Variants in PCDHGA6 observed in about 807,000 individuals in gnomAD.
PCDHGA6 encodes protocadherin gamma subfamily A, 6, also known as protocadherin gamma-A6.
Under a neutral mutation model 60.6 loss-of-function variants are expected in PCDHGA6, and 41 were observed. The observed-to-expected ratio is 0.68, with a 90% CI of 0.53 to 0.88. The LOEUF (loss-of-function observed/expected upper bound fraction) is 0.88, where lower values mean the gene tolerates loss of function less well. PCDHGA6 is among the 40% of genes least tolerant of loss of function. The probability of loss-of-function intolerance (pLI) is 0.00; values close to 1 mark genes in which losing one functional copy is unlikely to be tolerated. For missense variants in PCDHGA6, 1,312 were observed against 1,203.0 expected, an observed-to-expected ratio of 1.09 and a Z score of -1.34; for synonymous variants, 594 against 524.4, an observed-to-expected ratio of 1.13 and a Z score of -1.81.
chr5:141,440,373 G>A (rs866892003), intron 1 of PCDHGA6: 2 of 152,214 alleles, frequency 1.3e-5, no homozygotes, highest in Non-Finnish European at 2.9e-5. Context: ...GGCCGAGGCA[G>A]GAGAATCGCT....
chr5:141,436,298 T>C (rs1480546595), intron 1 of PCDHGA6, among the ~76,000 whole-genome samples: 3 of 152,186 alleles, frequency 2.0e-5, no homozygotes, highest in Non-Finnish European at 4.4e-5. Flanking sequence ...CATTGAGAGT[T>C]AGAGCATGAA....
At position 141,431,017 on chromosome 5, in the gene PCDHGA6, G is replaced by A. The variant is rs768036730; in HGVS notation, c.2424+54510G>A. 2.5e-6 allele frequency: 4 copies of A among 1,613,768 alleles called. No homozygotes were observed. Among genetic ancestry groups the A allele is most frequent in the South Asian group, 1.1e-5 (1 of 91,084 alleles). ...ATCCGCGCAGCGGCAGCTTGGTCAC[G>A]GCGGGCAGGATAGACCGGGAGGAGC... On this transcript the variant is annotated intron_variant, in intron 1 of 3. Transcript: ENST00000517434. This position sits in a 1 kb window ranked among gnomAD's most constrained non-coding sequence, Gnocchi z 4.8.
chr5:141,487,499 G>A lies in PCDHGA6; in HGVS notation c.2425-7308G>A, dbSNP rs2099647158. On this transcript the variant is annotated intron_variant, in intron 1 of 3. Transcript: ENST00000517434. This position sits in a 1 kb window ranked among gnomAD's most constrained non-coding sequence, Gnocchi z 5.0. ...CCACTCTCATGGCTGTACACCCTTGGCTTCTGCACCCACTCGGAGTGATAG... is the reference window on the plus strand; with the variant it reads ...CCACTCTCATGGCTGTACACCCTTGACTTCTGCACCCACTCGGAGTGATAG... The A allele has an allele frequency of 3.1e-6, 5 of 1,614,152 alleles. No homozygotes were observed. The highest frequency in any genetic ancestry group is 2.2e-5 in the East Asian group (1 of 44,852).
Position 141,394,179 on chromosome 5 carries a change from T to C in PCDHGA6, c.2424+17672T>C. The C allele has an allele frequency of 2.5e-6, 4 of 1,613,868 alleles. No individual in the cohort carries two copies. The South Asian group carries it at 4.4e-5, about 18-fold the overall frequency. On this transcript the variant is annotated intron_variant, in intron 1 of 3. Coordinates refer to ENST00000517434, the MANE Select transcript of PCDHGA6 (RefSeq NM_018919.3). ...CAACCCTCCTACTTTCCCTCATGCC[T>C]CCTACTCAGCGTATATCCTAGAGAA...
chr5:141,421,734 G>A (rs761780459), intron 1 of PCDHGA6: 1 of 1,613,948 alleles, frequency 6.2e-7, no homozygotes, highest in Non-Finnish European at 8.5e-7. Flanking sequence ...ACTCCCTCCA[G>A]AGCTACCAGC....
rs756330109 is a variant in PCDHGA6, at chr5:141,432,621, T to A, written c.2424+56114T>A. ...GAGCCGGGACTCTTCTCGGTGGGTC[T>A]GCACACGGGCGAGGTGCGCACGGCG... On this transcript the variant is annotated intron_variant, in intron 1 of 3. Transcript: ENST00000517434. This position sits in a 1 kb window ranked among gnomAD's most constrained non-coding sequence, Gnocchi z 6.0. The A allele has an allele frequency of 3.1e-6, 5 of 1,612,942 alleles. No homozygotes were observed. Among genetic ancestry groups the A allele is most frequent in the Admixed American group, 1.7e-5 (1 of 59,962 alleles).
In PCDHGA6 at chr5:141,409,653, A is replaced by G. The variant is rs763812886; in HGVS notation, c.2424+33146A>G. 10 of 1,613,542 alleles carry G rather than the reference A, an allele frequency of 6.2e-6. No homozygotes were observed. The East Asian group carries it at 8.9e-5, about 14-fold the overall frequency. ...GCCTCTGACCCGGATTTGGGGCTCAATGGCCACATCTCCTACTCTATAGTG... is the reference window on the plus strand; with the variant it reads ...GCCTCTGACCCGGATTTGGGGCTCAGTGGCCACATCTCCTACTCTATAGTG... On this transcript the variant is annotated intron_variant, in intron 1 of 3. Transcript: ENST00000517434.
intron 1 of PCDHGA6, among the ~76,000 whole-genome samples, chr5:141,466,868 CA>C (rs1343260699): frequency 1.3e-5 from 2 of 152,100 alleles, no homozygotes; most frequent in African/African-American, 2.4e-5. Flanking sequence ...GAAATCCACA[CA>C]TTTTTTTCAT....
intron 1 of PCDHGA6, chr5:141,421,678 G>C (rs903229017): frequency 3.7e-6 from 6 of 1,613,776 alleles, no homozygotes; most frequent in Non-Finnish European, 5.1e-6. Context: ...AATTCCTGGG[G>C]CGCGATTTGC....
intron 1 of PCDHGA6, chr5:141,400,337 C>T: frequency 6.2e-7 from 1 of 1,614,080 alleles, no homozygotes; most frequent in Non-Finnish European, 8.5e-7. Context: ...GTGGTTCCCC[C>T]CAACTACAGT....
At position 141,486,061 on chromosome 5, in the gene PCDHGA6, C is replaced by T. The variant is rs1280895997; in HGVS notation, c.2425-8746C>T. 2 of 1,614,166 alleles carry T rather than the reference C, an allele frequency of 1.2e-6. No individual in the cohort carries two copies. Among genetic ancestry groups the T allele is most frequent in the South Asian group, 1.1e-5 (1 of 91,078 alleles). On this transcript the variant is annotated intron_variant, in intron 1 of 3. Coordinates refer to ENST00000517434, the MANE Select transcript of PCDHGA6 (RefSeq NM_018919.3). The surrounding 1 kb of genome is among the most constrained non-coding windows in gnomAD (Gnocchi z 5.0). ...GTGTAAGAAACCTCTTTAGCCTGCA[C>T]CCCACTACTGGAAAGCTTACTCTTT...
chr5:141,424,655 TTTAA>T (rs1162406206), intron 1 of PCDHGA6: 3 of 152,238 alleles, frequency 2.0e-5, no homozygotes, highest in Non-Finnish European at 4.4e-5. Flanking sequence ...GTATTTGGAC[TTTAA>T]TTAAACTGAT....
At chr5:141,414,677 AG>A in intron 1 of PCDHGA6, 1 of 1,613,794 alleles carries the variant, frequency 6.2e-7, no homozygotes, top group Non-Finnish European at 8.5e-7. Context: ...GACACCATCC[AG>A]GGGGTACCTC....
intron 1 of PCDHGA6, chr5:141,421,750 C>G: frequency 6.2e-7 from 1 of 1,613,906 alleles, no homozygotes; most frequent in East Asian, 2.2e-5. Flanking sequence ...CCAGCTCAGC[C>G]CTAATAATTA....
In PCDHGA6 at chr5:141,432,012, A is replaced by G. The variant is rs756906117; in HGVS notation, c.2424+55505A>G. ...TTGGATAGGGAACAGGTTCCTAGCT[A>G]CAACATCACAGTGACCGCCACTGAC... On this transcript the variant is annotated intron_variant, in intron 1 of 3. Transcript: ENST00000517434. The surrounding 1 kb of genome is among the most constrained non-coding windows in gnomAD (Gnocchi z 6.0). The G allele has an allele frequency of 1.1e-5, 18 of 1,614,056 alleles. No homozygotes were observed. The highest frequency in any genetic ancestry group is 1.3e-5 in the Non-Finnish European group (15 of 1,180,008).
chr5:141,478,364 G>A (rs1382073187), intron 1 of PCDHGA6: 2 of 1,613,660 alleles, frequency 1.2e-6, no homozygotes, highest in African/African-American at 2.7e-5. Flanking sequence ...CGTGCGGGGA[G>A]GCCTGATGTC....
chr5:141,399,370 A>C (rs1466560972), intron 1 of PCDHGA6: 2 of 1,614,004 alleles, frequency 1.2e-6, no homozygotes, highest in Non-Finnish European at 1.7e-6. Context: ...CCCGGAGTAC[A>C]ATGTCACCAT....
chr5:141,414,995 G>C (rs1431326081), intron 1 of PCDHGA6: 14 of 1,613,640 alleles, frequency 8.7e-6, no homozygotes, highest in Non-Finnish European at 1.2e-5. Context: ...CAGAACGCCT[G>C]GCTGTCCTAC....
At chr5:141,393,075 G>A in intron 1 of PCDHGA6, 1 of 1,613,702 alleles carries the variant, frequency 6.2e-7, no homozygotes, top group Non-Finnish European at 8.5e-7. Context: ...GATCACCGCG[G>A]GCAGGATAGA....
Sources: gnomAD v4.1 joint callset for allele counts (sites outside exome capture counted in the v4.1 genomes callset) on GRCh38, gnomAD v4.1.1 for gene constraint, Gnocchi (gnomAD v3.1) non-coding constraint, MANE v1.5 for transcripts, NCBI Gene and HGNC (gene_info 2026-07-23, HGNC 2026-07-21) for gene names.